GLIPR1L1: variants seen among roughly 807,000 people sequenced by gnomAD.
GLIPR1L1 encodes GLIPR1 like 1.
In GLIPR1L1, 26 loss-of-function variants were observed where a neutral mutation model predicts 29.9. That is an observed-to-expected ratio of 0.87 (90% CI 0.64 to 1.21). The LOEUF (loss-of-function observed/expected upper bound fraction) is 1.21. Among genes scored for constraint, GLIPR1L1 ranks in the 50% most tolerant of loss-of-function variants. The pLI, the probability that GLIPR1L1 is intolerant of heterozygous loss-of-function variation, is 0.00. For missense variants in GLIPR1L1, 305 were observed against 290.3 expected (o/e 1.05, Z -0.37); for synonymous variants, 77 against 97.5 (o/e 0.79, Z 1.24).
At chr12:75,369,553 A>C (rs984111348) in intron 4 of GLIPR1L1, 8 of 983,726 alleles carry the variant, frequency 8.1e-6, no homozygotes, top group Non-Finnish European at 9.7e-6. Flanking sequence ...AAAGACATCG[A>C]GAAATATTTG....
At chr12:75,339,869 A>G (rs1269495506) in intron 1 of GLIPR1L1, among the ~76,000 whole-genome samples, 5 of 152,056 alleles carry the variant, frequency 3.3e-5, no homozygotes, top group Admixed American at 1.3e-4. Context: ...TGGTGCACCC[A>G]TCGCCCAAGC....
At chr12:75,354,518 G>T (rs564060592) in intron 3 of GLIPR1L1, among the ~76,000 whole-genome samples, 1 of 152,172 alleles carries the variant, frequency 6.6e-6, no homozygotes, top group Non-Finnish European at 1.5e-5. Context: ...CATGTTCATG[G>T]ATAGTAAGAA....
chr12:75,335,931 A>C (rs1293995436), intron 1 of GLIPR1L1, among the ~76,000 whole-genome samples: 1 of 152,046 alleles, frequency 6.6e-6, no homozygotes, highest in Non-Finnish European at 1.5e-5. Context: ...ATGATAAAAA[A>C]GAGTAAATGT....
intron 4 of GLIPR1L1, among the ~76,000 whole-genome samples, chr12:75,368,983 T>C (rs1165458004): frequency 1.3e-5 from 2 of 152,152 alleles, no homozygotes; most frequent in Non-Finnish European, 2.9e-5. Flanking sequence ...GTTTCATTTA[T>C]GTTCTATGAC....
rs571782386 is a variant in GLIPR1L1, at chr12:75,369,986, C to T, written c.637C>T (p.Gln213Ter). Residue 213 changes from glutamine (Q) to a stop codon, truncating the protein, a stop_gained and splice_region_variant, in exon 5 of 6, where the codon CAA (glutamine) becomes TAA (stop). Coordinates refer to ENST00000378695, the MANE Select transcript of GLIPR1L1 (RefSeq NM_001304964.2). LOFTEE classifies it low-confidence loss of function (END_TRUNC). ...CRTPQLIIPN[Q>*]NPFLKPTGRA... ...GACTCCACAACTTATTATACCTAAC[C>T]GTATGTATCAAAATATTTTAGTATT... 1,044 of 1,075,876 alleles carry T rather than the reference C, an allele frequency of 9.7e-4. 18 individuals carry two copies. The South Asian group carries it at 0.014, about 14-fold the overall frequency. 66.6% of individuals were successfully genotyped at this position (1,075,876 alleles called of 1,614,324 possible). A position where few individuals can be genotyped will look rare whatever the true frequency, so the allele number is the denominator to read the frequency against.
In GLIPR1L1 at chr12:75,343,881, C is replaced by G. The variant is rs2042278828; in HGVS notation, c.363C>G (p.Thr121=). Residue 121 remains threonine, a synonymous_variant, in exon 2 of 6, where the codon ACC becomes ACG. Coordinates refer to ENST00000378695, the MANE Select transcript of GLIPR1L1 (RefSeq NM_001304964.2). ...RHAITAWYNE[T]QFYDFDSLSC... is the part of the protein sequence containing the mutation. ...CCATTACGGCTTGGTATAATGAAAC[C>G]CAATTTTATGATTTTGATAGTCTAT... 1 of 1,611,542 alleles carries G rather than the reference C, an allele frequency of 6.2e-7. No individual in the cohort carries two copies. Among genetic ancestry groups the G allele is most frequent in the Non-Finnish European group, 8.5e-7 (1 of 1,178,146 alleles).
intron 3 of GLIPR1L1, among the ~76,000 whole-genome samples, chr12:75,350,964 G>A (rs934773224): frequency 4.6e-5 from 7 of 152,130 alleles, no homozygotes; most frequent in African/African-American, 1.7e-4. Flanking sequence ...AATATTACAG[G>A]AGCTGTTAAC....
intron 2 of GLIPR1L1, 106 bp downstream of exon 2, chr12:75,344,044 A>G: frequency 1.1e-6 from 1 of 921,888 alleles, no homozygotes; most frequent in Non-Finnish European, 1.6e-6. Flanking sequence ...GGCTGCCTTT[A>G]CATTTTTTCC....
chr12:75,345,280 A>C (rs752895643), intron 2 of GLIPR1L1, among the ~76,000 whole-genome samples: 6 of 152,010 alleles, frequency 3.9e-5, no homozygotes, highest in Non-Finnish European at 7.4e-5. Flanking sequence ...TTTTTCTGCA[A>C]ATCTCAGGGG....
At chr12:75,341,815 T>C (rs1202724219) in intron 1 of GLIPR1L1, among the ~76,000 whole-genome samples, 2 of 134,782 alleles carry the variant, frequency 1.5e-5, no homozygotes, top group Non-Finnish European at 3.1e-5. Context: ...AATGGCACGG[T>C]CTTGGCTCAC....
intron 1 of GLIPR1L1, among the ~76,000 whole-genome samples, chr12:75,338,384 G>A (rs1292674758): frequency 1.3e-5 from 2 of 152,082 alleles, no homozygotes; most frequent in Non-Finnish European, 2.9e-5. Flanking sequence ...GACTTGGATT[G>A]GGGGAATTTA....
At chr12:75,362,599 T>C (rs142663073) in intron 3 of GLIPR1L1, among the ~76,000 whole-genome samples, 57 of 152,290 alleles carry the variant, frequency 3.7e-4, no homozygotes, top group African/African-American at 1.3e-3. Context: ...AACACATTTT[T>C]AAATCTTTCA....
At position 75,337,556 on chromosome 12, in the gene GLIPR1L1, T is replaced by C. The variant is rs146972912; in HGVS notation, c.174+2654T>C. 6.1e-3 allele frequency among the ~76,000 whole-genome samples: 928 copies of C among 152,092 alleles called. 2 individuals are homozygous for C. The highest frequency in any genetic ancestry group is 8.5e-3 in the Non-Finnish European group (575 of 67,816). On this transcript the variant is annotated intron_variant, in intron 1 of 5. Coordinates refer to ENST00000378695, the MANE Select transcript of GLIPR1L1 (RefSeq NM_001304964.2). ...ATAAAATTGACACAATATTTTGATA[T>C]GTTGTTTATTGAATGATTACTAGTG... is the stretch of plus-strand genomic sequence containing the variant.
intron 4 of GLIPR1L1, among the ~76,000 whole-genome samples, chr12:75,367,862 C>T (rs1317621226): frequency 1.3e-5 from 2 of 152,072 alleles, no homozygotes; most frequent in African/African-American, 2.4e-5. Flanking sequence ...ACAATAGACA[C>T]ACCCTTCTAT....
rs1324883146 is a variant in GLIPR1L1, at chr12:75,347,713, A to G, written c.512A>G (p.Tyr171Cys). Residue 171 changes from tyrosine (Y) to cysteine (C), a missense_variant, in exon 3 of 6, where the codon TAC becomes TGC. Coordinates refer to ENST00000378695, the MANE Select transcript of GLIPR1L1 (RefSeq NM_001304964.2). Reference sequence around the variant, plus strand: ...TCAACTGCAATATTTGTATGCAACTACGGACCTGCGTGAGTTATTTTCTCT... The same window carrying G: ...TCAACTGCAATATTTGTATGCAACTGCGGACCTGCGTGAGTTATTTTCTCT... ...GASTAIFVCNYGPAGNFANMP... is the reference protein window; with the variant it reads ...GASTAIFVCNCGPAGNFANMP... The G allele has an allele frequency of 6.3e-7, 1 of 1,591,842 alleles. No homozygotes were observed. The highest frequency in any genetic ancestry group is 8.6e-7 in the Non-Finnish European group (1 of 1,163,870).
intron 4 of GLIPR1L1, chr12:75,365,060 T>A (rs1286365607): frequency 1.3e-5 from 2 of 152,110 alleles, no homozygotes; most frequent in African/African-American, 4.8e-5. Context: ...ACTAATTATA[T>A]CCCTCAAAAC....
intron 4 of GLIPR1L1, chr12:75,366,737 G>C: frequency 1.6e-6 from 1 of 613,700 alleles, no homozygotes; most frequent in Non-Finnish European, 2.9e-6. Context: ...TGAGACTGCA[G>C]TGTTTTACCA....
chr12:75,357,883 A>G (rs1191386219), intron 3 of GLIPR1L1, among the ~76,000 whole-genome samples: 1 of 151,804 alleles, frequency 6.6e-6, no homozygotes, highest in East Asian at 1.9e-4. Flanking sequence ...CCAAAGGCCC[A>G]CAATAGAAAA....
At chr12:75,353,886 A>C (rs2042972340) in intron 3 of GLIPR1L1, among the ~76,000 whole-genome samples, 1 of 152,244 alleles carries the variant, frequency 6.6e-6, no homozygotes, top group African/African-American at 2.4e-5. Flanking sequence ...ACTAAAGACA[A>C]AAACCATATG....
Sources: gnomAD v4.1 joint callset for allele counts (sites outside exome capture counted in the v4.1 genomes callset) on GRCh38, gnomAD v4.1.1 for gene constraint, MANE v1.5 for transcripts, NCBI Gene and HGNC (gene_info 2026-07-23, HGNC 2026-07-21) for gene names.